Variants in ARB2A observed in about 807,000 individuals in gnomAD.
ARB2A encodes ARB2 cotranscriptional regulator A, also known as cotranscriptional regulator ARB2A.
At chr5:94,020,238 G>A in the ARB2A span, among the ~76,000 whole-genome samples, 1 of 150,342 alleles carries the variant, frequency 6.7e-6, no homozygotes, top group African/African-American at 2.5e-5. Flanking sequence ...ACATGGACAC[G>A]GGGCGGGGGG....
chr5:93,866,994 A>C, the ARB2A span, among the ~76,000 whole-genome samples: 1 of 152,328 alleles, frequency 6.6e-6, no homozygotes, highest in East Asian at 1.9e-4. Context: ...TGTGAAAAAA[A>C]AATGCCTCAT....
the ARB2A span, among the ~76,000 whole-genome samples, chr5:93,760,922 G>A: frequency 6.6e-6 from 1 of 152,212 alleles, no homozygotes; most frequent in African/African-American, 2.4e-5. Context: ...AAACTAAAGA[G>A]CTTTTGTACG....
At chr5:93,840,762 GATTA>G in the ARB2A span, among the ~76,000 whole-genome samples, 27 of 152,058 alleles carry the variant, frequency 1.8e-4, no homozygotes, top group South Asian at 4.1e-4. Context: ...AATTTACAGA[GATTA>G]ATTAATTAAT....
chr5:94,040,196 C>T, the ARB2A span, among the ~76,000 whole-genome samples: 1 of 152,086 alleles, frequency 6.6e-6, no homozygotes, highest in East Asian at 1.9e-4. Flanking sequence ...CTGAATTAAT[C>T]TGCCTTGTAC....
chr5:93,793,651 G>C, the ARB2A span, among the ~76,000 whole-genome samples: 3 of 152,140 alleles, frequency 2.0e-5, no homozygotes, highest in Admixed American at 2.0e-4. Context: ...TAGGAAGCTA[G>C]AGTAATGTCT....
the ARB2A span, among the ~76,000 whole-genome samples, chr5:94,101,626 TGTC>T: frequency 3.9e-5 from 6 of 152,148 alleles, no homozygotes; most frequent in Non-Finnish European, 1.5e-5. Context: ...AATGAGATAA[TGTC>T]TTCTGCGGGA....
At chr5:93,946,844 C>T in the ARB2A span, among the ~76,000 whole-genome samples, 1 of 152,006 alleles carries the variant, frequency 6.6e-6, no homozygotes, top group Non-Finnish European at 1.5e-5. Context: ...CTTAGATATG[C>T]CACACTTCTT....
the ARB2A span, among the ~76,000 whole-genome samples, chr5:93,750,729 G>C: frequency 6.6e-6 from 1 of 151,958 alleles, no homozygotes; most frequent in South Asian, 2.1e-4. Context: ...GTCTCACTAT[G>C]TTGCCCACGC....
the ARB2A span, among the ~76,000 whole-genome samples, chr5:93,753,784 TG>T: frequency 2.6e-5 from 4 of 152,230 alleles, no homozygotes; most frequent in East Asian, 7.7e-4. Context: ...AATAATGTGA[TG>T]GTTGTAAGTT....
the ARB2A span, among the ~76,000 whole-genome samples, chr5:93,926,247 A>C: frequency 6.6e-6 from 1 of 151,596 alleles, no homozygotes; most frequent in Admixed American, 6.6e-5. Context: ...CTCCTGCCTC[A>C]GTCTCCCGAG....
the ARB2A span, among the ~76,000 whole-genome samples, chr5:93,849,352 TCTA>T: frequency 6.6e-6 from 1 of 152,184 alleles, no homozygotes; most frequent in Non-Finnish European, 1.5e-5. Flanking sequence ...AGAAAAATTT[TCTA>T]CTGAGTTCAA....
At chr5:93,955,904 G>C in the ARB2A span, among the ~76,000 whole-genome samples, 2 of 152,174 alleles carry the variant, frequency 1.3e-5, no homozygotes, top group Admixed American at 1.3e-4. Context: ...CCCCTTTTTA[G>C]AGACCAGTGG....
At chr5:93,908,141 C>G in the ARB2A span, among the ~76,000 whole-genome samples, 1 of 150,832 alleles carries the variant, frequency 6.6e-6, no homozygotes, top group Non-Finnish European at 1.5e-5. Context: ...AATACATGTT[C>G]TGATGAATAT....
the ARB2A span, among the ~76,000 whole-genome samples, chr5:93,694,446 T>C: frequency 1.3e-5 from 2 of 151,910 alleles, no homozygotes; most frequent in Non-Finnish European, 2.9e-5. Flanking sequence ...CAATTGCAAC[T>C]AAGAGAATAA....
chr5:93,639,310 C>A, the ARB2A span, among the ~76,000 whole-genome samples: 7 of 152,136 alleles, frequency 4.6e-5, no homozygotes, highest in Non-Finnish European at 1.0e-4. Context: ...TTCTTCTCAT[C>A]CTAGTTAAGA....
At chr5:93,900,362 C>T in the ARB2A span, among the ~76,000 whole-genome samples, 1 of 152,002 alleles carries the variant, frequency 6.6e-6, no homozygotes, top group Admixed American at 6.6e-5. Context: ...CCTGTAATCC[C>T]AGCACTTTGG....
chr5:94,066,011 A>C, the ARB2A span, among the ~76,000 whole-genome samples: 2 of 152,326 alleles, frequency 1.3e-5, no homozygotes, highest in African/African-American at 4.8e-5. Flanking sequence ...TTACCAAAAA[A>C]AAATCATATC....
chr5:94,068,419 G>A, the ARB2A span, among the ~76,000 whole-genome samples: 3 of 152,196 alleles, frequency 2.0e-5, no homozygotes, highest in Non-Finnish European at 4.4e-5. Context: ...TGGATGGGGA[G>A]CGAAAGCTCA....
At chr5:93,664,653 A>G in the ARB2A span, among the ~76,000 whole-genome samples, 2 of 148,274 alleles carry the variant, frequency 1.3e-5, no homozygotes, top group Non-Finnish European at 3.0e-5. Context: ...ATATATATAT[A>G]ATAATAATAA....
Sources: gnomAD v4.1 joint callset for allele counts (sites outside exome capture counted in the v4.1 genomes callset) on GRCh38, gnomAD v4.1.1 for gene constraint, MANE v1.5 for transcripts, NCBI Gene and HGNC (gene_info 2026-07-23, HGNC 2026-07-21) for gene names.